Variants in SPTBN1 observed in about 807,000 individuals in gnomAD.
SPTBN1 encodes the protein spectrin beta chain, non-erythrocytic 1.
In SPTBN1, 32 loss-of-function variants were observed where a neutral mutation model predicts 266.4. The ratio of observed to expected loss-of-function variants is 0.12; its 90% confidence interval spans 0.09 to 0.16. The LOEUF is 0.16. SPTBN1 is among the 10% of genes least tolerant of loss of function. SPTBN1 has a pLI of 1.00. For synonymous variants in SPTBN1, 1,336 were observed against 1,162.2 expected, an observed-to-expected ratio of 1.15 and a Z score of -3.04; for missense variants, 2,296 against 3,067.1, an observed-to-expected ratio of 0.75 and a Z score of 5.94.
chr2:54,630,909 C>T lies in SPTBN1; in HGVS notation c.2862C>T (p.Ala954=). The change falls in exon 16 of 36, where the codon GCC becomes GCT. Residue 954 remains alanine (A), a synonymous_variant. Transcript: ENST00000356805. ...VDRKKDALLS[A]LSIQNYHLEC... ...GGAAGAAGGATGCCCTCCTGTCTGC[C>T]CTGAGCATCCAGAACTACCACCTCG... 1 of 1,612,996 alleles carries T rather than the reference C, an allele frequency of 6.2e-7. No homozygotes were observed. Among genetic ancestry groups the T allele is most frequent in the Non-Finnish European group, 8.5e-7 (1 of 1,179,474 alleles).
Position 54,644,670 on chromosome 2 carries a change from A to T in SPTBN1, c.4269+84A>T, listed in dbSNP as rs1202299859. 3.3e-6 allele frequency: 5 copies of T among 1,501,172 alleles called. No homozygotes were observed. In the African/African-American group the frequency reaches 5.6e-5, roughly 17 times the overall value. 93.0% of individuals were successfully genotyped at this position (1,501,172 alleles called of 1,614,324 possible). On this transcript the variant is annotated intron_variant, in intron 20 of 35. Coordinates refer to ENST00000356805, the MANE Select transcript of SPTBN1 (RefSeq NM_003128.3). ...AGAGTCTTTTCTCACCCACTGCATT[A>T]TCAGGAGTCCACCTTCCATGGGAAG...
intron 18 of SPTBN1, among the ~76,000 whole-genome samples, chr2:54,640,201 G>A (rs34439311): frequency 0.011 from 1,685 of 152,184 alleles, 19 homozygotes; most frequent in Non-Finnish European, 0.018. Context: ...TTTGTGTGTG[G>A]ACCAGCCCTA....
intron 5 of SPTBN1, among the ~76,000 whole-genome samples, chr2:54,616,715 T>C (rs540320934): frequency 2.3e-4 from 35 of 152,346 alleles, no homozygotes; most frequent in Non-Finnish European, 4.6e-4. Flanking sequence ...AGTTTCCCTT[T>C]TATTTTTTCA....
At chr2:54,590,917 G>A (rs1352448097) in intron 2 of SPTBN1, among the ~76,000 whole-genome samples, 1 of 152,194 alleles carries the variant, frequency 6.6e-6, no homozygotes, top group Non-Finnish European at 1.5e-5. Context: ...CACTGATTGA[G>A]GAACATGGCT....
intron 2 of SPTBN1, among the ~76,000 whole-genome samples, chr2:54,590,473 A>C (rs1235477884): frequency 2.6e-5 from 4 of 152,236 alleles, no homozygotes; most frequent in Non-Finnish European, 5.9e-5. Flanking sequence ...TCTAAACATG[A>C]ATAGGATTGA....
At chr2:54,544,134 G>A (rs374558295) in intron 2 of SPTBN1, among the ~76,000 whole-genome samples, 3 of 152,136 alleles carry the variant, frequency 2.0e-5, no homozygotes, top group Non-Finnish European at 2.9e-5. Flanking sequence ...ATTATATCCC[G>A]TGTTACAGAT....
At position 54,658,057 on chromosome 2, in the gene SPTBN1, G is replaced by T. The variant is rs62134711; in HGVS notation, c.6243+11G>T. The T allele has an allele frequency of 3.7e-6, 6 of 1,614,092 alleles. No homozygotes were observed. In the South Asian group the frequency reaches 6.6e-5, roughly 18 times the overall value. On this transcript the variant is annotated intron_variant, in intron 30 of 35. Coordinates refer to ENST00000356805, the MANE Select transcript of SPTBN1 (RefSeq NM_003128.3). ...GAAAGGCTGACTACAGTAAGTGGCC[G>T]CTGGGCCCTTTGTCTGTTGGTGCCC...
intron 1 of SPTBN1, among the ~76,000 whole-genome samples, chr2:54,486,233 A>C (rs1024838344): frequency 1.3e-5 from 2 of 152,086 alleles, no homozygotes; most frequent in South Asian, 2.1e-4. Flanking sequence ...CCAACAGCTC[A>C]TTGAGAACGG....
intron 2 of SPTBN1, among the ~76,000 whole-genome samples, chr2:54,576,970 TG>T (rs1246620770): frequency 6.6e-6 from 1 of 152,100 alleles, no homozygotes; most frequent in Non-Finnish European, 1.5e-5. Flanking sequence ...GATGGGTGCT[TG>T]GGGGTAGGGG....
intron 1 of SPTBN1, among the ~76,000 whole-genome samples, chr2:54,495,087 A>G (rs949064443): frequency 3.3e-5 from 5 of 152,116 alleles, no homozygotes; most frequent in African/African-American, 9.7e-5. Context: ...AGAAGGTACA[A>G]TGAAGACCCC....
At position 54,629,667 on chromosome 2, in the gene SPTBN1, C is replaced by G; in HGVS notation, c.2533C>G (p.Leu845Val). ...AELTRLRKQALQDTLALYKMF... is the reference protein window; with the variant it reads ...AELTRLRKQAVQDTLALYKMF... ...GCTGACGCGGCTGCGGAAGCAGGCA[C>G]TCCAGGACACTCTGGCCCTGTACAA... Residue 845 changes from leucine to valine, a missense_variant, in exon 14 of 36, where the codon CTC (leucine) becomes GTC (valine). Leu to Val is a conservative substitution (Grantham distance 32). Around this residue, in one of 12 missense-constraint regions of SPTBN1, gnomAD observed 434 missense variants for 573.9 expected, o/e 0.76. Coordinates refer to ENST00000356805, the MANE Select transcript of SPTBN1 (RefSeq NM_003128.3). The G allele has an allele frequency of 6.2e-7, 1 of 1,613,860 alleles. No individual in the cohort carries two copies. The highest frequency in any genetic ancestry group is 8.5e-7 in the Non-Finnish European group (1 of 1,179,970).
chr2:54,659,597 G>T (rs183467055), intron 31 of SPTBN1, among the ~76,000 whole-genome samples: 14 of 131,650 alleles, frequency 1.1e-4, no homozygotes, highest in Non-Finnish European at 2.5e-4. Flanking sequence ...TGATTTTGTG[G>T]TGATGCGTTT....
intron 2 of SPTBN1, among the ~76,000 whole-genome samples, chr2:54,592,271 A>T (rs957635601): frequency 1.3e-5 from 2 of 152,216 alleles, no homozygotes; most frequent in African/African-American, 2.4e-5. Context: ...AAAGAAGTAG[A>T]TGTTATGCTT....
rs2103873097 is a variant in SPTBN1 at position 54,622,389 on chromosome 2, C to T, written c.966C>T (p.Ile322=). The change falls in exon 9 of 36, where the codon ATC becomes ATT. Residue 322 remains isoleucine (I), a synonymous_variant. Transcript: ENST00000356805. ...SDLLEWIEQT[I]IILNNRKFAN... is the part of the protein sequence containing the mutation. ...TTCTGGAATGGATTGAACAAACCAT[C>T]ATCATTCTGAACAATCGCAAATTTG... The T allele has an allele frequency of 6.2e-7, 1 of 1,614,192 alleles. No homozygotes were observed. Among genetic ancestry groups the T allele is most frequent in the Non-Finnish European group, 8.5e-7 (1 of 1,180,030 alleles).
chr2:54,479,510 G>A (rs1332904167), intron 1 of SPTBN1, among the ~76,000 whole-genome samples: 1 of 152,060 alleles, frequency 6.6e-6, no homozygotes, highest in Non-Finnish European at 1.5e-5. Context: ...ATCCAAACTA[G>A]GTAATTTATG....
chr2:54,532,108 C>G (rs1368370199), intron 2 of SPTBN1, among the ~76,000 whole-genome samples: 1 of 152,032 alleles, frequency 6.6e-6, no homozygotes, highest in Non-Finnish European at 1.5e-5. Context: ...GCCAACGTAG[C>G]GAAACCCCAT....
chr2:54,628,924 G>A lies in SPTBN1; in HGVS notation c.1799-9G>A. On this transcript the variant is annotated splice_polypyrimidine_tract_variant and intron_variant, in intron 13 of 35. Coordinates refer to ENST00000356805, the MANE Select transcript of SPTBN1 (RefSeq NM_003128.3). This position sits in a 1 kb window ranked among gnomAD's most constrained non-coding sequence, Gnocchi z 4.3. The stretch of plus-strand genomic sequence containing the variant: ...CACACAGCCACGTTCCTTCCTTGAT[G>A]TTAAACAGGTTACAAGCCCTGTGAC... The A allele has an allele frequency of 6.3e-7, 1 of 1,576,228 alleles. No homozygotes were observed. The highest frequency in any genetic ancestry group is 1.2e-5 in the South Asian group (1 of 84,616).
intron 1 of SPTBN1, among the ~76,000 whole-genome samples, chr2:54,466,676 G>T (rs1055648131): frequency 2.7e-5 from 4 of 149,104 alleles, no homozygotes; most frequent in African/African-American, 9.8e-5. Context: ...AATTGCAGAA[G>T]ATTTCATCTC....
At chr2:54,459,458 T>C (rs1378327486) in intron 1 of SPTBN1, among the ~76,000 whole-genome samples, 1 of 152,242 alleles carries the variant, frequency 6.6e-6, no homozygotes, top group Non-Finnish European at 1.5e-5. Context: ...TGACTTTACA[T>C]GTGGAAGTAC....
Sources: allele counts gnomAD v4.1 joint callset (sites outside exome capture counted in the v4.1 genomes callset), GRCh38; gene constraint gnomAD v4.1.1; regional missense constraint gnomAD v4.1.1; non-coding constraint Gnocchi (gnomAD v3.1); transcripts MANE v1.5; gene names NCBI Gene and HGNC (gene_info 2026-07-23, HGNC 2026-07-21).